The following C6 variants were observed in gnomAD, a reference collection of about 807,000 sequenced individuals.
The protein encoded by C6 is complement component C6.
C6 carries 101 observed loss-of-function variants against 112.9 expected under a neutral mutation model. The ratio of observed to expected loss-of-function variants is 0.89; its 90% CI spans 0.76 to 1.06. The LOEUF is 1.06. Ranked by LOEUF, C6 falls within the 50% of genes least tolerant of loss-of-function variation. C6 has a pLI of 0.00. For missense variants in C6, 1,202 were observed against 1,104.6 expected (o/e 1.09, Z -1.25); for synonymous variants, 431 against 384.1 (o/e 1.12, Z -1.43).
chr5:41,236,353 G>T (rs535177605), intron 1 of C6, among the ~76,000 whole-genome samples: 3 of 149,910 alleles, frequency 2.0e-5, no homozygotes, highest in African/African-American at 4.9e-5. Flanking sequence ...CCCATTGCTT[G>T]TTTTTCTCAG....
At chr5:41,202,559 A>G (rs1047818099) in intron 2 of C6, among the ~76,000 whole-genome samples, 8 of 152,212 alleles carry the variant, frequency 5.3e-5, no homozygotes, top group South Asian at 2.1e-4. Context: ...GAGCATTTCC[A>G]TGGTACAGAA....
intron 15 of C6, 106 bp from the exon 16 acceptor site, chr5:41,150,131 T>C (rs1746245490): frequency 1.3e-6 from 1 of 775,676 alleles, no homozygotes. Context: ...TATTTATCTC[T>C]TGGAGTTAGA....
chr5:41,254,912 G>C (rs868689181), intron 1 of C6, among the ~76,000 whole-genome samples: 2 of 144,692 alleles, frequency 1.4e-5, no homozygotes, highest in Non-Finnish European at 2.9e-5. Context: ...TGAGTAGACA[G>C]GTATAGAGGG....
At chr5:41,240,145 C>T (rs1239801259) in intron 1 of C6, among the ~76,000 whole-genome samples, 1 of 152,084 alleles carries the variant, frequency 6.6e-6, no homozygotes, top group Non-Finnish European at 1.5e-5. Context: ...AGGTTTTTAG[C>T]TATTATTTTG....
chr5:41,161,884 C>A, intron 9 of C6, 25 bp from the exon 10 acceptor site: 1 of 1,610,726 alleles, frequency 6.2e-7, no homozygotes, highest in Non-Finnish European at 8.5e-7. Flanking sequence ...AATAAAAATG[C>A]CCATTTAATT....
chr5:41,203,162 G>A lies in C6; in HGVS notation c.69C>T (p.Phe23=). ...ACTGAGTCCATGCATAGTGATCACA[G>A]AAGCAGGCTTGGCCCTTGTTGATCA... ...NALINKGQAC[F]CDHYAWTQWT... The change falls in exon 2 of 18, where the codon TTC becomes TTT. Residue 23 remains phenylalanine (F), a synonymous_variant. Coordinates refer to ENST00000337836, the MANE Select transcript of C6 (RefSeq NM_000065.5). The A allele has an allele frequency of 6.2e-7, 1 of 1,614,104 alleles. No individual in the cohort carries two copies. Among genetic ancestry groups the A allele is most frequent in the Non-Finnish European group, 8.5e-7 (1 of 1,179,958 alleles).
At chr5:41,177,068 A>C (rs534012579) in intron 7 of C6, among the ~76,000 whole-genome samples, 3 of 152,312 alleles carry the variant, frequency 2.0e-5, no homozygotes, top group South Asian at 2.1e-4. Context: ...TGCTAATGTG[A>C]ATAATTGAAA....
At chr5:41,162,046 T>C (rs1747568884) in intron 9 of C6, among the ~76,000 whole-genome samples, 187 bp from the exon 10 acceptor site, 1 of 152,114 alleles carries the variant, frequency 6.6e-6, no homozygotes, top group Non-Finnish European at 1.5e-5. Context: ...ATAATAGAAA[T>C]AATAATAACA....
At chr5:41,193,203 G>C (rs769750913) in intron 5 of C6, among the ~76,000 whole-genome samples, 1 of 152,142 alleles carries the variant, frequency 6.6e-6, no homozygotes, top group Non-Finnish European at 1.5e-5. Flanking sequence ...GCAAAAAAGG[G>C]CTTGAGAAAA....
intron 9 of C6, among the ~76,000 whole-genome samples, chr5:41,171,698 T>A (rs377307826): frequency 2.0e-5 from 3 of 152,118 alleles, no homozygotes; most frequent in African/African-American, 4.8e-5. Flanking sequence ...TTTTTCAGTA[T>A]TTTTTTGCCT....
At chr5:41,249,866 A>C (rs986200475) in intron 1 of C6, among the ~76,000 whole-genome samples, 3 of 152,218 alleles carry the variant, frequency 2.0e-5, no homozygotes, top group African/African-American at 7.2e-5. Flanking sequence ...GAGTACTCAT[A>C]AGAAAACTGA....
intron 1 of C6, among the ~76,000 whole-genome samples, chr5:41,258,488 A>C (rs1008628528): frequency 6.6e-6 from 1 of 152,222 alleles, no homozygotes; most frequent in Non-Finnish European, 1.5e-5. Flanking sequence ...TGGAAGGCAG[A>C]CATGCCCTTT....
At chr5:41,252,317 C>T (rs896693818) in intron 1 of C6, among the ~76,000 whole-genome samples, 5 of 152,162 alleles carry the variant, frequency 3.3e-5, no homozygotes, top group African/African-American at 1.2e-4. Context: ...GGCCCCCCTC[C>T]TTGGCCAAGA....
chr5:41,193,803 T>G (rs1313832946), intron 5 of C6, among the ~76,000 whole-genome samples: 8 of 151,610 alleles, frequency 5.3e-5, no homozygotes, highest in Non-Finnish European at 1.2e-4. Context: ...CTATTTTTTT[T>G]TTTTTTTTTT....
intron 5 of C6, among the ~76,000 whole-genome samples, chr5:41,188,551 A>G (rs1749960660): frequency 6.6e-6 from 1 of 152,068 alleles, no homozygotes; most frequent in Admixed American, 6.6e-5. Context: ...TGGTGCTGTA[A>G]TGACCTAATG....
At chr5:41,178,805 C>A (rs1216427213) in intron 7 of C6, among the ~76,000 whole-genome samples, 2 of 151,514 alleles carry the variant, frequency 1.3e-5, no homozygotes, top group Admixed American at 6.6e-5. Flanking sequence ...TTCCTTAATT[C>A]TGTTCAGAAC....
chr5:41,220,557 T>C (rs1161965852), intron 1 of C6, among the ~76,000 whole-genome samples: 4 of 152,176 alleles, frequency 2.6e-5, no homozygotes, highest in Admixed American at 2.0e-4. Flanking sequence ...ATTAATTATT[T>C]TAACTGCCTA....
rs369321987 is a variant in C6, at chr5:41,160,326, T to C, written c.1500A>G (p.Ala500=). The change falls in exon 11 of 18, where the codon GCA becomes GCG. Residue 500 remains alanine, a synonymous_variant. Transcript: ENST00000337836. ...IVDLVRNIPC[A]VTKRNNLRKA... is the part of the protein sequence containing the mutation. The stretch of plus-strand genomic sequence containing the variant: ...TCCTGAGGTTGTTCCGTTTTGTCAC[T>C]GCACAGGGGATGTTTCTTACCAAGT... The C allele has an allele frequency of 8.7e-6, 14 of 1,613,658 alleles. No individual in the cohort carries two copies. Among genetic ancestry groups the C allele is most frequent in the Non-Finnish European group, 1.1e-5 (13 of 1,179,810 alleles).
At position 41,170,025 on chromosome 5, in the gene C6, T is replaced by G. The variant is rs145725732; in HGVS notation, c.1291+2200A>C. ...GACTTAATACTGTATTTCTAGAATT[T>G]GTCTTGAAGTTGCATATTTGAACAA... On this transcript the variant is annotated intron_variant, in intron 9 of 17. Coordinates refer to ENST00000337836, the MANE Select transcript of C6 (RefSeq NM_000065.5). 1.1e-3 allele frequency among the ~76,000 whole-genome samples: 164 copies of G among 152,314 alleles called. 1 individual carries two copies. The highest frequency in any genetic ancestry group is 3.4e-3 in the African/African-American group (140 of 41,580).
Sources: allele counts gnomAD v4.1 joint callset (sites outside exome capture counted in the v4.1 genomes callset), GRCh38; gene constraint gnomAD v4.1.1; transcripts MANE v1.5; gene names NCBI Gene and HGNC (gene_info 2026-07-23, HGNC 2026-07-21).